The following SPATA24 variants were observed in gnomAD, a reference collection of about 807,000 sequenced individuals.
SPATA24 encodes spermatogenesis-associated protein 24.
SPATA24 carries 21 observed loss-of-function variants against 28.9 expected under a neutral mutation model. The observed-to-expected ratio is 0.73, with a 90% CI of 0.52 to 1.05. The LOEUF is 1.05. Ranked by LOEUF, SPATA24 falls within the 50% of genes least tolerant of loss-of-function variation. SPATA24 has a pLI of 0.00. For missense variants in SPATA24, 215 were observed against 242.9 expected (o/e 0.88, Z 0.76); for synonymous variants, 76 against 89.9 (o/e 0.85, Z 0.88).
intron 4 of SPATA24, among the ~76,000 whole-genome samples, chr5:139,398,714 T>C (rs1758761633): frequency 6.6e-6 from 1 of 152,020 alleles, no homozygotes. Context: ...AGAAAGAAAA[T>C]CCTACTGTCT....
chr5:139,396,540 G>A, downstream of SPATA24: 1 of 1,296,052 alleles, frequency 7.7e-7, no homozygotes, highest in Non-Finnish European at 9.9e-7. Context: ...AAATTTACCA[G>A]GACACTGGGA....
intron 4 of SPATA24, among the ~76,000 whole-genome samples, chr5:139,399,649 T>C (rs1027504547): frequency 3.3e-5 from 5 of 152,152 alleles, no homozygotes; most frequent in African/African-American, 1.2e-4. Flanking sequence ...GAAAATCCCT[T>C]TGAGAGTAAA....
chr5:139,399,110 G>A (rs1251511637), intron 4 of SPATA24, among the ~76,000 whole-genome samples: 2 of 150,916 alleles, frequency 1.3e-5, no homozygotes, highest in Admixed American at 6.6e-5. Context: ...AAAGTCAGGA[G>A]ATGGAGACCA....
chr5:139,402,019 G>C lies in SPATA24; in HGVS notation c.210C>G (p.Thr70=). 6.4e-7 allele frequency: 1 copy of C among 1,551,434 alleles called. No individual in the cohort carries two copies. Residue 70 remains threonine (T), a synonymous_variant, in exon 3 of 6, where the codon ACC becomes ACG. Transcript: ENST00000450845. The part of the protein sequence containing the change: ...LVEEKAAHAK[T]KVLLAKEEEK... ...CCTCTTCCTTGGCCAGGAGGACCTT[G>C]GTTTTGGCATGGGCAGCTTTCTCTT...
Position 139,404,069 on chromosome 5 carries a change from C to G in SPATA24, c.-9G>C, listed in dbSNP as rs1417713662. The G allele has an allele frequency of 5.8e-6, 9 of 1,550,208 alleles. No homozygotes were observed. In the East Asian group the frequency reaches 2.2e-4, roughly 38 times the overall value. On this transcript the variant is annotated 5_prime_UTR_variant, in exon 1 of 6. Coordinates refer to ENST00000450845, the MANE Select transcript of SPATA24 (RefSeq NM_194296.2). The stretch of plus-strand genomic sequence containing the variant: ...CCGAGGGGCGTCGCCATCTTCCGCC[C>G]CCGCCAGCTAGTTGGAAATGGCTGC...
chr5:139,396,789 C>A lies in SPATA24; in HGVS notation c.*11G>T, dbSNP rs1758717968. On this transcript the variant is annotated 3_prime_UTR_variant, in exon 6 of 6. Coordinates refer to ENST00000450845, the MANE Select transcript of SPATA24 (RefSeq NM_194296.2). ...GGATTACAGCCAGAGAACAGGAAAG[C>A]GGCGGCCATTTTATTTTTCCCTGGG... 6.4e-7 allele frequency: 1 copy of A among 1,551,594 alleles called. No homozygotes were observed. Among genetic ancestry groups the A allele is most frequent in the African/African-American group, 1.4e-5 (1 of 73,046 alleles).
At chr5:139,392,618 G>A (rs890285934), downstream of SPATA24, 3 of 1,380,676 alleles carry the variant, frequency 2.2e-6, no homozygotes, top group African/African-American at 1.5e-5. The surrounding 1 kb of genome is among the most constrained non-coding windows in gnomAD (Gnocchi z 5.8). Context: ...GGGGCCGTAG[G>A]TGGTGTCTTC....
At position 139,397,031 on chromosome 5, in the gene SPATA24, G is replaced by A; in HGVS notation, c.488+10C>T. 2 of 1,551,720 alleles carry A rather than the reference G, an allele frequency of 1.3e-6. No individual in the cohort carries two copies. Among genetic ancestry groups the A allele is most frequent in the Non-Finnish European group, 1.7e-6 (2 of 1,146,994 alleles). ...CATCAACAACCCCCAGCCGGGCCCA[G>A]ACCCCTCACCTGAAGATCTGTTTCT... On this transcript the variant is annotated intron_variant, in intron 5 of 5. Coordinates refer to ENST00000450845, the MANE Select transcript of SPATA24 (RefSeq NM_194296.2).
At chr5:139,396,059 G>A (rs1758699035), downstream of SPATA24, 1 of 537,224 alleles carries the variant, frequency 1.9e-6, no homozygotes, top group South Asian at 8.1e-5. Context: ...TGGCTTCAAG[G>A]TCCTGCTATG....
chr5:139,392,997 G>A, downstream of SPATA24: 1 of 1,518,012 alleles, frequency 6.6e-7, no homozygotes, highest in South Asian at 1.3e-5. The surrounding 1 kb of genome is among the most constrained non-coding windows in gnomAD (Gnocchi z 5.8). Context: ...CAGGAGGCTC[G>A]TAGGGGTGCG....
chr5:139,401,571 C>T, intron 4 of SPATA24, 184 bp downstream of exon 4: 1 of 714,452 alleles, frequency 1.4e-6, no homozygotes. Context: ...CGACTGCTTC[C>T]CTCATTTCCG....
chr5:139,395,062 G>A (rs1053471268), downstream of SPATA24: 5 of 1,414,498 alleles, frequency 3.5e-6, no homozygotes, highest in Non-Finnish European at 4.6e-6. Flanking sequence ...CAGGGCTGGC[G>A]GGGCGAGCGC....
At chr5:139,392,574 C>T (rs1245267025), downstream of SPATA24, 3 of 1,355,062 alleles carry the variant, frequency 2.2e-6, no homozygotes, top group Non-Finnish European at 2.8e-6. This position sits in a 1 kb window ranked among gnomAD's most constrained non-coding sequence, Gnocchi z 5.8. Flanking sequence ...GGGGCTCCCG[C>T]GGGAGTGGCG....
At chr5:139,394,319 A>G (rs1026747983), downstream of SPATA24, 1 of 1,484,040 alleles carries the variant, frequency 6.7e-7, no homozygotes, top group Admixed American at 2.4e-5. Context: ...TTTCTGGCCA[A>G]CGCCGTCTGC....
chr5:139,394,851 A>C, downstream of SPATA24: 1 of 1,531,646 alleles, frequency 6.5e-7, no homozygotes, highest in Non-Finnish European at 8.8e-7. Context: ...GCTGGCGGCT[A>C]TTCTGGGCGC....
downstream of SPATA24, chr5:139,393,272 G>C (rs1057130151): frequency 2.4e-5 from 37 of 1,549,682 alleles, no homozygotes; most frequent in African/African-American, 4.4e-4. Context: ...AAGACTTCCG[G>C]GCACTTATCC....
chr5:139,396,845 T>C lies in SPATA24; in HGVS notation c.573A>G (p.Ser191=), dbSNP rs145994958. ...QVLDQKHKKA[S]GTRQARSHQH... ...GGTGGCTGCGGGCCTGACGTGTCCCTGAGGCTTTCTTATGCTTCTGGTCCA... is the reference window on the plus strand; with the variant it reads ...GGTGGCTGCGGGCCTGACGTGTCCCCGAGGCTTTCTTATGCTTCTGGTCCA... The change falls in exon 6 of 6, where the codon TCA becomes TCG. Residue 191 remains serine, a synonymous_variant. Transcript: ENST00000450845. 3.7e-3 allele frequency: 5,675 copies of C among 1,551,762 alleles called. 18 individuals are homozygous for C. The highest frequency in any genetic ancestry group is 4.7e-3 in the Non-Finnish European group (5,360 of 1,147,006).
downstream of SPATA24, chr5:139,396,181 C>G (rs1268437923): frequency 1.0e-6 from 1 of 985,284 alleles, no homozygotes; most frequent in Non-Finnish European, 1.2e-6. Context: ...GAAGTGGGTC[C>G]TCTGCCTGGG....
At chr5:139,399,530 G>C (rs1758781336) in intron 4 of SPATA24, among the ~76,000 whole-genome samples, 1 of 152,240 alleles carries the variant, frequency 6.6e-6, no homozygotes, top group South Asian at 2.1e-4. Context: ...CAGGCGTCCA[G>C]CTAAGTGGAA....
Sources: allele counts gnomAD v4.1 joint callset (sites outside exome capture counted in the v4.1 genomes callset), GRCh38; gene constraint gnomAD v4.1.1; non-coding constraint Gnocchi (gnomAD v3.1); transcripts MANE v1.5; gene names NCBI Gene and HGNC (gene_info 2026-07-23, HGNC 2026-07-21).